The following RIN2 variants were observed in gnomAD, a reference collection of about 807,000 sequenced individuals.
RIN2 encodes the protein RAB5 interacting protein 2.
Under a neutral mutation model 78.0 loss-of-function variants are expected in RIN2, and 36 were observed. The observed-to-expected ratio is 0.46, with a 90% CI of 0.35 to 0.61. The LOEUF (loss-of-function observed/expected upper bound fraction) is 0.61, where lower values mean the gene tolerates loss of function less well. Among genes scored for constraint, RIN2 ranks in the 20% least tolerant of loss-of-function variants. The probability of loss-of-function intolerance (pLI) is 0.00; values close to 1 mark genes in which losing one functional copy is unlikely to be tolerated. For missense variants in RIN2, 1,087 were observed against 1,159.7 expected (o/e 0.94, Z 0.91); for synonymous variants, 466 against 466.8 (o/e 1.00, Z 0.02).
chr20:19,857,407 G>T (rs1190801830), intron 2 of RIN2, among the ~76,000 whole-genome samples: 2 of 152,016 alleles, frequency 1.3e-5, no homozygotes, highest in African/African-American at 4.8e-5. Flanking sequence ...ATTGTTTCTA[G>T]TCTGGACTAT....
intron 2 of RIN2, among the ~76,000 whole-genome samples, chr20:19,870,640 CTT>C (rs902659685): frequency 5.9e-5 from 9 of 152,194 alleles, no homozygotes; most frequent in Admixed American, 3.9e-4. Context: ...GCATTAGACT[CTT>C]TCAAAAAAAA....
chr20:19,884,768 C>T (rs1028870068), intron 2 of RIN2, among the ~76,000 whole-genome samples: 1 of 152,140 alleles, frequency 6.6e-6, no homozygotes, highest in Non-Finnish European at 1.5e-5. Context: ...GACCCAGACA[C>T]AGAGCCACCT....
At chr20:19,902,009 C>T (rs537306043) in intron 3 of RIN2, among the ~76,000 whole-genome samples, 1 of 88,536 alleles carries the variant, frequency 1.1e-5, no homozygotes, top group Admixed American at 1.7e-4. Context: ...GAACGAGACT[C>T]TGTCTCAAAA....
intron 2 of RIN2, among the ~76,000 whole-genome samples, chr20:19,817,368 G>A (rs1210811778): frequency 1.3e-5 from 2 of 152,090 alleles, no homozygotes; most frequent in African/African-American, 2.4e-5. Flanking sequence ...CTTGGCAGAC[G>A]GGGCAAACAA....
chr20:19,793,472 G>C (rs961038241), intron 1 of RIN2, among the ~76,000 whole-genome samples: 4 of 152,124 alleles, frequency 2.6e-5, no homozygotes, highest in Admixed American at 6.5e-5. Context: ...CAGAGAGGGA[G>C]ATGGCAATGC....
intron 1 of RIN2, among the ~76,000 whole-genome samples, chr20:19,795,635 C>T (rs139688386): frequency 8.5e-5 from 13 of 152,270 alleles, no homozygotes; most frequent in African/African-American, 2.4e-4. Context: ...AGATCCTGCA[C>T]GTGACAGCAA....
At chr20:19,926,602 G>A (rs577862809) in intron 3 of RIN2, among the ~76,000 whole-genome samples, 35 of 151,998 alleles carry the variant, frequency 2.3e-4, no homozygotes, top group Non-Finnish European at 3.8e-4. Context: ...TGGGTAATGC[G>A]GTTTTTTTAG....
At chr20:19,859,213 A>C (rs946251258) in intron 2 of RIN2, among the ~76,000 whole-genome samples, 1 of 152,206 alleles carries the variant, frequency 6.6e-6, no homozygotes, top group Non-Finnish European at 1.5e-5. Flanking sequence ...TCCAGGGATG[A>C]GCTGGATGAG....
chr20:19,896,703 G>A (rs2038745559), intron 3 of RIN2, among the ~76,000 whole-genome samples: 1 of 152,190 alleles, frequency 6.6e-6, no homozygotes, highest in Non-Finnish European at 1.5e-5. Flanking sequence ...ATCTGGATGT[G>A]TCTTTTGTTT....
chr20:19,796,562 G>A (rs1252904902), intron 1 of RIN2, among the ~76,000 whole-genome samples: 1 of 152,220 alleles, frequency 6.6e-6, no homozygotes, highest in Admixed American at 6.5e-5. Context: ...TATGGATCAT[G>A]ATGTGAAATA....
chr20:19,783,442 CT>C, intron 1 of RIN2, among the ~76,000 whole-genome samples: 1 of 151,908 alleles, frequency 6.6e-6, no homozygotes, highest in East Asian at 1.9e-4. Flanking sequence ...TGGGCGTCCC[CT>C]CTCATTCCTG....
Position 19,975,117 on chromosome 20 carries a change from G to C in RIN2, c.1092G>C (p.Gln364His). The C allele has an allele frequency of 5.6e-6, 9 of 1,613,408 alleles. No individual in the cohort carries two copies. Among genetic ancestry groups the C allele is most frequent in the Non-Finnish European group, 7.6e-6 (9 of 1,179,880 alleles). Residue 364 changes from glutamine (Q) to histidine (H), a missense_variant, in exon 9 of 13, where the codon CAG (glutamine) becomes CAC (histidine). Coordinates refer to ENST00000255006, the MANE Select transcript of RIN2 (RefSeq NM_018993.4). This position sits in a 1 kb window ranked among gnomAD's most constrained non-coding sequence, Gnocchi z 4.9. ...TCCCTCCACCCCGGCTGAAGAAGCAGGCTTCTTTTCTGGAAGCAGAGGGCG... is the reference window on the plus strand; with the variant it reads ...TCCCTCCACCCCGGCTGAAGAAGCACGCTTCTTTTCTGGAAGCAGAGGGCG... ...TPIPPPRLKK[Q>H]ASFLEAEGGA...
At chr20:19,896,223 C>T (rs2038716553) in intron 3 of RIN2, among the ~76,000 whole-genome samples, 1 of 152,044 alleles carries the variant, frequency 6.6e-6, no homozygotes, top group Non-Finnish European at 1.5e-5. Flanking sequence ...AAGTCTTGCT[C>T]TGTTGCCTAG....
chr20:19,832,839 G>C (rs1274251202), intron 2 of RIN2, among the ~76,000 whole-genome samples: 1 of 152,042 alleles, frequency 6.6e-6, no homozygotes, highest in Non-Finnish European at 1.5e-5. Flanking sequence ...CCTTTGGTAA[G>C]ACCCTAATCT....
intron 2 of RIN2, among the ~76,000 whole-genome samples, chr20:19,842,465 C>A (rs2036613831): frequency 7.3e-6 from 1 of 136,378 alleles, no homozygotes; most frequent in South Asian, 2.4e-4. Context: ...TGGTCTCGAA[C>A]TCTGGACCTC....
At chr20:19,781,621 T>G (rs1037272689) in intron 1 of RIN2, among the ~76,000 whole-genome samples, 65 of 152,066 alleles carry the variant, frequency 4.3e-4, no homozygotes, top group Admixed American at 1.4e-3. Flanking sequence ...AGAGACGGGG[T>G]TTCACCATGT....
At chr20:19,783,842 C>T (rs553616824) in intron 1 of RIN2, among the ~76,000 whole-genome samples, 18 of 152,270 alleles carry the variant, frequency 1.2e-4, no homozygotes, top group Admixed American at 3.9e-4. Context: ...CTACTGGGGT[C>T]TGGGAACTGA....
chr20:19,827,453 C>T lies in RIN2; in HGVS notation c.-37+27706C>T, dbSNP rs138521301. 2.1e-3 allele frequency among the ~76,000 whole-genome samples: 315 copies of T among 152,344 alleles called. 1 individual carries two copies. Among genetic ancestry groups the T allele is most frequent in the African/African-American group, 7.3e-3 (304 of 41,582 alleles). On this transcript the variant is annotated intron_variant, in intron 2 of 12. Transcript: ENST00000255006. ...ATCTCTCAAATGGCCCTGGAGCCCA[C>T]AGCTTCATAGCTGGAGAAGTCTACT...
At chr20:19,985,158 C>T (rs2042585442) in intron 9 of RIN2, among the ~76,000 whole-genome samples, 1 of 152,230 alleles carries the variant, frequency 6.6e-6, no homozygotes, top group Non-Finnish European at 1.5e-5. Flanking sequence ...AACAAAGCCA[C>T]TGAATTGCTG....
Sources: gnomAD v4.1 joint callset for allele counts (sites outside exome capture counted in the v4.1 genomes callset) on GRCh38, gnomAD v4.1.1 for gene constraint, Gnocchi (gnomAD v3.1) non-coding constraint, MANE v1.5 for transcripts, NCBI Gene and HGNC (gene_info 2026-07-23, HGNC 2026-07-21) for gene names.